Variants in BRD4 observed in about 807,000 individuals in gnomAD.
BRD4 encodes the protein bromodomain containing 4.
In BRD4, 16 loss-of-function variants were observed where a neutral mutation model predicts 142.1. The observed-to-expected ratio is 0.11, with a 90% confidence interval of 0.08 to 0.17. The LOEUF is 0.17. Among genes scored for constraint, BRD4 ranks in the 10% least tolerant of loss-of-function variants. The pLI, the probability that BRD4 is intolerant of heterozygous loss-of-function variation, is 1.00. For missense variants in BRD4, 1,424 were observed against 1,810.9 expected, an observed-to-expected ratio of 0.79 and a Z score of 3.88; for synonymous variants, 833 against 707.5, an observed-to-expected ratio of 1.18 and a Z score of -2.82.
rs1394568851 is a variant in BRD4, at chr19:15,243,298, G to T, written c.2771C>A (p.Thr924Asn). The change falls in exon 14 of 20, where the codon ACC becomes AAC. Residue 924 changes from threonine to asparagine, a missense_variant. Physicochemically the swap from Thr to Asn is moderately conservative, Grantham distance 65. Around this residue, in one of 16 missense-constraint regions of BRD4, gnomAD observed 598 missense variants for 647.8 expected, o/e 0.92. Coordinates refer to ENST00000679869, the MANE Select transcript of BRD4 (RefSeq NM_001379291.1). ...EDEEPPAPPL[T>N]SMQMQLYLQQ... ...CAGGTACAGCTGCATCTGCATGGAGGTGAGGGGTGGGGCAGGTGGCTCTTC... is the reference window on the plus strand; with the variant it reads ...CAGGTACAGCTGCATCTGCATGGAGTTGAGGGGTGGGGCAGGTGGCTCTTC... 2 of 1,496,906 alleles carry T rather than the reference G, an allele frequency of 1.3e-6. No homozygotes were observed. Among genetic ancestry groups the T allele is most frequent in the Non-Finnish European group, 1.8e-6 (2 of 1,123,754 alleles). The allele number at this position is 1,496,906 out of a possible 1,614,324, so 92.7% of individuals were successfully genotyped here. A position where few individuals can be genotyped will look rare whatever the true frequency, so the allele number is the denominator to read the frequency against.
chr19:15,283,048 G>C (rs997013264), intron 1 of BRD4, among the ~76,000 whole-genome samples: 5 of 152,182 alleles, frequency 3.3e-5, no homozygotes, highest in African/African-American at 1.2e-4. Flanking sequence ...ACCCTGCTTT[G>C]AGAGAGACTC....
intron 11 of BRD4, among the ~76,000 whole-genome samples, chr19:15,245,243 C>T (rs1397887022): frequency 6.6e-6 from 1 of 152,050 alleles, no homozygotes; most frequent in African/African-American, 2.4e-5. Flanking sequence ...AGCAGCTTCT[C>T]GGGGGCCTCC....
chr19:15,290,491 T>A (rs2145665977), intron 1 of BRD4, among the ~76,000 whole-genome samples: 1 of 152,162 alleles, frequency 6.6e-6, no homozygotes, highest in Admixed American at 6.5e-5. Context: ...AAAACTCTCA[T>A]CAAATCCAGT....
intron 7 of BRD4, among the ~76,000 whole-genome samples, chr19:15,258,432 C>T (rs529903179): frequency 6.6e-6 from 1 of 152,254 alleles, no homozygotes; most frequent in African/African-American, 2.4e-5. Context: ...TACAGGTGCA[C>T]ACCACCATGC....
At position 15,242,152 on chromosome 19, in the gene BRD4, G is replaced by A. The variant is rs551951536; in HGVS notation, c.3169+748C>T. On this transcript the variant is annotated intron_variant, in intron 14 of 19. Transcript: ENST00000679869. Reference sequence around the variant, plus strand: ...TTTTGCTGGGTTAGGAGTAATCACAGCCCTGCCTCGTTGCTTGATTTGCAG... The same window carrying A: ...TTTTGCTGGGTTAGGAGTAATCACAACCCTGCCTCGTTGCTTGATTTGCAG... Among the ~76,000 whole-genome samples, 3 of 152,228 alleles carry A rather than the reference G, an allele frequency of 2.0e-5. No homozygotes were observed. In the East Asian group the frequency reaches 5.8e-4, roughly 29 times the overall value.
At chr19:15,275,518 A>G (rs1236789760) in intron 1 of BRD4, 1 of 152,194 alleles carries the variant, frequency 6.6e-6, no homozygotes, top group Admixed American at 6.5e-5. Flanking sequence ...ACACACACAC[A>G]TCAGAAGTGT....
chr19:15,253,806 C>G (rs748098888), intron 11 of BRD4: 3 of 1,579,450 alleles, frequency 1.9e-6, no homozygotes, highest in Non-Finnish European at 2.6e-6. Flanking sequence ...ACATCAAGGT[C>G]AACAGCACAG....
intron 1 of BRD4, among the ~76,000 whole-genome samples, chr19:15,283,754 A>G (rs2047721444): frequency 6.6e-6 from 1 of 152,234 alleles, no homozygotes; most frequent in Admixed American, 6.5e-5. Context: ...GCAAGAGTGT[A>G]TCACGCCTCT....
chr19:15,292,326 A>T (rs2047788057), intron 1 of BRD4, among the ~76,000 whole-genome samples: 1 of 152,198 alleles, frequency 6.6e-6, no homozygotes. Context: ...CTGCAGACTC[A>T]GATGACTTAT....
intron 11 of BRD4, chr19:15,247,094 AAC>A (rs1240636422): frequency 9.6e-6 from 2 of 207,982 alleles, no homozygotes. Context: ...TCTTCAACTC[AAC>A]ACAAATTTCA....
chr19:15,261,989 A>C (rs1301094559), intron 7 of BRD4, among the ~76,000 whole-genome samples: 2 of 152,236 alleles, frequency 1.3e-5, no homozygotes, highest in Non-Finnish European at 2.9e-5. Flanking sequence ...AAAGAGACCA[A>C]CAAACTTCAC....
In BRD4 at chr19:15,244,223, C is replaced by A; in HGVS notation, c.2581+8G>T. On this transcript the variant is annotated splice_region_variant and intron_variant, in intron 13 of 19. Transcript: ENST00000679869. ...TCTCAACCCACACTGGGGCAGGCCA[C>A]GGCTCACCTGGAGGAGAGACCACTG... 6.4e-7 allele frequency: 1 copy of A among 1,552,024 alleles called. No individual in the cohort carries two copies. The highest frequency in any genetic ancestry group is 8.7e-7 in the Non-Finnish European group (1 of 1,151,856).
intron 1 of BRD4, among the ~76,000 whole-genome samples, chr19:15,310,423 C>T (rs1280220528): frequency 2.3e-5 from 3 of 127,800 alleles, no homozygotes; most frequent in African/African-American, 5.8e-5. Flanking sequence ...TGCAGTGGCG[C>T]GATCTAGGCT....
chr19:15,287,811 C>T (rs1260766033), intron 1 of BRD4, among the ~76,000 whole-genome samples: 3 of 151,912 alleles, frequency 2.0e-5, no homozygotes, highest in Non-Finnish European at 2.9e-5. Flanking sequence ...CCTTTGTCGC[C>T]CAAGCTGGAG....
Position 15,256,996 on chromosome 19 carries a change from GCTC to G in BRD4, c.1516_1518del (p.Glu506del). On this transcript the variant is annotated inframe_deletion, in exon 8 of 20. Transcript: ENST00000679869. ...TGGAGCTCAGCCAGCCGCTGGGCTC[GCTC>G]CTCCTCAGAGTCATCAGTCGAACTG... The G allele has an allele frequency of 1.3e-6, 2 of 1,586,566 alleles. No homozygotes were observed. Among genetic ancestry groups the G allele is most frequent in the Non-Finnish European group, 1.7e-6 (2 of 1,167,708 alleles).
intron 1 of BRD4, among the ~76,000 whole-genome samples, chr19:15,298,551 G>GC (rs1380620659): frequency 7.3e-6 from 1 of 137,666 alleles, no homozygotes; most frequent in Non-Finnish European, 1.5e-5. Context: ...AACCCGGGGG[G>GC]CAGCGGTTGC....
intron 1 of BRD4, among the ~76,000 whole-genome samples, chr19:15,287,872 G>A (rs1192321195): frequency 2.0e-5 from 3 of 151,540 alleles, no homozygotes; most frequent in Admixed American, 6.6e-5. Flanking sequence ...TGGGTTCGGC[G>A]ATTCTTGTGC....
At chr19:15,296,123 G>T (rs1419556343) in intron 1 of BRD4, among the ~76,000 whole-genome samples, 1 of 150,968 alleles carries the variant, frequency 6.6e-6, no homozygotes, top group African/African-American at 2.4e-5. Flanking sequence ...GGGTGGTGGC[G>T]CACGCCTGTA....
At chr19:15,326,273 G>C (rs1449755524) in intron 1 of BRD4, among the ~76,000 whole-genome samples, 1 of 151,620 alleles carries the variant, frequency 6.6e-6, no homozygotes, top group East Asian at 1.9e-4. Context: ...GACCAGTGGG[G>C]ACAACATGGC....
Sources: allele counts gnomAD v4.1 joint callset (sites outside exome capture counted in the v4.1 genomes callset), GRCh38; gene constraint gnomAD v4.1.1; regional missense constraint gnomAD v4.1.1; transcripts MANE v1.5; gene names NCBI Gene and HGNC (gene_info 2026-07-23, HGNC 2026-07-21).